Variants in SEM1 observed in about 807,000 individuals in gnomAD.
SEM1 encodes SEM1 26S proteasome subunit, also known as 26S proteasome complex subunit SEM1.
SEM1 carries 3 observed loss-of-function variants against 12.7 expected under a neutral mutation model. That is an observed-to-expected ratio of 0.24 (90% CI 0.11 to 0.61). The LOEUF is 0.61. Among genes scored for constraint, SEM1 ranks in the 20% least tolerant of loss-of-function variants. The pLI is 0.88. For missense variants in SEM1, 59 were observed against 81.3 expected (o/e 0.73, Z 1.06); for synonymous variants, 30 against 27.8 (o/e 1.08, Z -0.25).
chr7:96,511,778 AT>A (rs1214567211), intron 2 of SEM1, among the ~76,000 whole-genome samples: 2 of 151,938 alleles, frequency 1.3e-5, no homozygotes, highest in Admixed American at 6.6e-5. Flanking sequence ...AATAAATAGT[AT>A]TTTTTTGATT....
intron 2 of SEM1, among the ~76,000 whole-genome samples, chr7:96,541,337 T>C (rs1804940548): frequency 6.6e-6 from 1 of 151,782 alleles, no homozygotes; most frequent in Non-Finnish European, 1.5e-5. Context: ...CCTCTGATGG[T>C]TAGTGATGCT....
upstream of SEM1, among the ~76,000 whole-genome samples, chr7:96,499,747 A>T (rs187440179): frequency 3.3e-4 from 51 of 152,312 alleles, no homozygotes; most frequent in Admixed American, 7.9e-4. Flanking sequence ...CAAACATTTG[A>T]TCGGATTGTG....
At chr7:96,580,790 G>A (rs541664657) in intron 2 of SEM1, among the ~76,000 whole-genome samples, 232 of 152,170 alleles carry the variant, frequency 1.5e-3, no homozygotes, top group Non-Finnish European at 2.3e-3. Context: ...GTCTGTTCAT[G>A]TCCTTCGCCC....
At chr7:96,656,016 C>T (rs1809168675) in intron 2 of SEM1, among the ~76,000 whole-genome samples, 1 of 152,146 alleles carries the variant, frequency 6.6e-6, no homozygotes. Flanking sequence ...CTAACAGAAT[C>T]ATCCAGTAAG....
downstream of SEM1, among the ~76,000 whole-genome samples, chr7:96,621,338 C>A (rs1341356595): frequency 1.3e-5 from 2 of 152,144 alleles, no homozygotes; most frequent in Non-Finnish European, 2.9e-5. Context: ...CTTTGGTAGG[C>A]TTCACAATTC....
chr7:96,597,267 C>G (rs1225403787), intron 2 of SEM1, among the ~76,000 whole-genome samples: 1 of 152,128 alleles, frequency 6.6e-6, no homozygotes, highest in African/African-American at 2.4e-5. Context: ...CTAAAACACT[C>G]AGGAGCATAA....
chr7:96,531,137 T>G (rs995734093), intron 2 of SEM1, among the ~76,000 whole-genome samples: 8 of 152,066 alleles, frequency 5.3e-5, no homozygotes, highest in Admixed American at 3.9e-4. Flanking sequence ...ACATAAGGGA[T>G]AGAAAGATGA....
chr7:96,580,723 A>T (rs1043903305), intron 2 of SEM1, among the ~76,000 whole-genome samples: 9 of 151,976 alleles, frequency 5.9e-5, no homozygotes, highest in African/African-American at 1.9e-4. Flanking sequence ...ATGGCCAGTG[A>T]TGGTGAGCAT....
At chr7:96,570,489 T>G (rs751459082) in intron 2 of SEM1, among the ~76,000 whole-genome samples, 1 of 152,120 alleles carries the variant, frequency 6.6e-6, no homozygotes, top group Non-Finnish European at 1.5e-5. Flanking sequence ...AATGATGGCT[T>G]CCAGCTTCAT....
At chr7:96,528,116 T>C (rs1804526974) in intron 2 of SEM1, among the ~76,000 whole-genome samples, 1 of 152,152 alleles carries the variant, frequency 6.6e-6, no homozygotes, top group Non-Finnish European at 1.5e-5. Context: ...TGTATAGAAG[T>C]TTTGTGCAGT....
At chr7:96,622,445 G>T (rs769138237), downstream of SEM1, 1 of 540,074 alleles carries the variant, frequency 1.9e-6, no homozygotes, top group African/African-American at 1.9e-5. Context: ...TTCAGGAGAA[G>T]TCAAGAAATA....
At chr7:96,570,736 C>G (rs910935679) in intron 2 of SEM1, among the ~76,000 whole-genome samples, 1 of 152,128 alleles carries the variant, frequency 6.6e-6, no homozygotes, top group Non-Finnish European at 1.5e-5. Context: ...ATGGTTGGGT[C>G]GAACGGTATT....
intron 2 of SEM1, among the ~76,000 whole-genome samples, chr7:96,560,255 A>G (rs1475836444): frequency 1.3e-5 from 2 of 152,226 alleles, no homozygotes; most frequent in African/African-American, 4.8e-5. Context: ...ATATTGATTA[A>G]TTGCTCCTTC....
chr7:96,518,482 G>A (rs780522416), intron 2 of SEM1, among the ~76,000 whole-genome samples: 4 of 152,130 alleles, frequency 2.6e-5, no homozygotes, highest in Admixed American at 2.0e-4. Flanking sequence ...TCTGTGGCAT[G>A]TGTAGGCTGA....
rs571109055 is a variant in SEM1, at chr7:96,614,900, A to G, written c.170+79898T>C. ...CTTTGTTTGGAGAGGAGGAGAGTTTATAGTATAAGGTCACAATTCTTATTG... is the reference window on the plus strand; with the variant it reads ...CTTTGTTTGGAGAGGAGGAGAGTTTGTAGTATAAGGTCACAATTCTTATTG... On this transcript the variant is annotated intron_variant and NMD_transcript_variant, in intron 2 of 3. Transcript: ENST00000466986. Among the ~76,000 whole-genome samples the G allele has an allele frequency of 7.9e-5, 12 of 152,358 alleles. No individual in the cohort carries two copies. In the East Asian group the frequency reaches 2.1e-3, roughly 27 times the overall value.
chr7:96,483,881 G>A (rs1417391818), exon 4 of SEM1: 9 of 1,536,606 alleles, frequency 5.9e-6, no homozygotes, highest in African/African-American at 1.4e-5. Flanking sequence ...TTCTGCTGGG[G>A]CCAGATTGTA....
At chr7:96,532,710 A>G (rs1024826253) in intron 2 of SEM1, among the ~76,000 whole-genome samples, 2 of 152,152 alleles carry the variant, frequency 1.3e-5, no homozygotes, top group African/African-American at 4.8e-5. Context: ...TTATAAACCC[A>G]CTGAAGAGCT....
chr7:96,580,155 T>C (rs1296516413), intron 2 of SEM1, among the ~76,000 whole-genome samples: 1 of 137,232 alleles, frequency 7.3e-6, no homozygotes, highest in Non-Finnish European at 1.5e-5. Flanking sequence ...GAGTGTGATG[T>C]TCCCCTTCCT....
chr7:96,705,130 C>G (rs963879853), intron 1 of SEM1, among the ~76,000 whole-genome samples: 1 of 152,106 alleles, frequency 6.6e-6, no homozygotes, highest in Non-Finnish European at 1.5e-5. Context: ...TGTTGTCTGC[C>G]TCAACAGACA....
Sources: gnomAD v4.1 joint callset for allele counts (sites outside exome capture counted in the v4.1 genomes callset) on GRCh38, gnomAD v4.1.1 for gene constraint, MANE v1.5 for transcripts, NCBI Gene and HGNC (gene_info 2026-07-23, HGNC 2026-07-21) for gene names.